Variants in TAF5L observed in about 807,000 individuals in gnomAD.
TAF5L encodes TAF5-like RNA polymerase II p300/CBP-associated factor-associated factor 65 kDa subunit 5L.
A neutral mutation model predicts 51.3 loss-of-function variants in TAF5L; 7 were observed. The observed-to-expected ratio is 0.14, with a 90% confidence interval of 0.08 to 0.26. The LOEUF (loss-of-function observed/expected upper bound fraction) is 0.26. Ranked by LOEUF, TAF5L falls within the 10% of genes least tolerant of loss-of-function variation. The probability of loss-of-function intolerance (pLI) is 1.00; values close to 1 mark genes in which losing one functional copy is unlikely to be tolerated. For missense variants in TAF5L, 575 were observed against 758.9 expected (o/e 0.76, Z 2.85); for synonymous variants, 291 against 308.1 (o/e 0.94, Z 0.58).
At chr1:229,613,329 C>CAAAAAAAAAAAAAAAAAAAAAAAAAA (rs567436350) in intron 2 of TAF5L, among the ~76,000 whole-genome samples, 1 of 84,596 alleles carries the variant, frequency 1.2e-5, no homozygotes, top group African/African-American at 4.5e-5. Context: ...GACTCTGTCT[C>CAAAAAAAAAAAAAAAAAAAAAAAAAA]AAAAAAAAAA....
intron 2 of TAF5L, among the ~76,000 whole-genome samples, chr1:229,613,635 A>T (rs1664870137): frequency 1.3e-5 from 2 of 152,334 alleles, no homozygotes; most frequent in African/African-American, 2.4e-5. Flanking sequence ...TAAAGAATAC[A>T]GGAGGATGTC....
In TAF5L at chr1:229,614,331, C is replaced by T. The variant is rs1427462630; in HGVS notation, c.142+10G>A. Reference sequence around the variant, plus strand: ...CAGGCTCACCCCACCAGACGAGCCCCCACCATTACCTGTTAGATTGGCCGC... The same window carrying T: ...CAGGCTCACCCCACCAGACGAGCCCTCACCATTACCTGTTAGATTGGCCGC... On this transcript the variant is annotated intron_variant, in intron 2 of 4. Transcript: ENST00000258281. The T allele has an allele frequency of 6.2e-7, 1 of 1,614,150 alleles. No homozygotes were observed. Among genetic ancestry groups the T allele is most frequent in the Non-Finnish European group, 8.5e-7 (1 of 1,180,060 alleles).
intron 4 of TAF5L, among the ~76,000 whole-genome samples, chr1:229,595,741 C>T (rs1664099296): frequency 6.6e-6 from 1 of 151,894 alleles, no homozygotes; most frequent in African/African-American, 2.4e-5. Flanking sequence ...TCTCGGCTCA[C>T]CACAACCTCC....
chr1:229,597,797 A>C (rs997791615), intron 4 of TAF5L, among the ~76,000 whole-genome samples: 7 of 152,214 alleles, frequency 4.6e-5, no homozygotes, highest in Non-Finnish European at 2.9e-5. Flanking sequence ...AAAGAGATCA[A>C]GTATCATCTC....
intron 1 of TAF5L, among the ~76,000 whole-genome samples, chr1:229,616,117 T>A (rs1664992837): frequency 6.6e-6 from 1 of 152,054 alleles, no homozygotes; most frequent in Admixed American, 6.6e-5. Flanking sequence ...TGGGTTCAAG[T>A]GATTCCCTGC....
chr1:229,602,191 A>G lies in TAF5L; in HGVS notation c.972+4T>C. On this transcript the variant is annotated splice_donor_region_variant and intron_variant, in intron 4 of 4. Transcript: ENST00000258281. This position sits in a 1 kb window ranked among gnomAD's most constrained non-coding sequence, Gnocchi z 4.6. ...TGCAGGGAAGAAAAAAATGGTATTC[A>G]TACCTCCTCCTCCAGAATATCACAA... The G allele has an allele frequency of 1.9e-6, 3 of 1,610,250 alleles. No homozygotes were observed. The highest frequency in any genetic ancestry group is 1.3e-5 in the African/African-American group (1 of 74,844).
rs1347715356 is a variant in TAF5L at position 229,602,904 on chromosome 1, T to C, written c.263A>G (p.His88Arg). Residue 88 changes from histidine to arginine, a missense_variant, in exon 4 of 5, where the codon CAT (histidine) becomes CGT (arginine). Physicochemically the swap from His to Arg is conservative, Grantham distance 29. Coordinates refer to ENST00000258281, the Ensembl canonical transcript of TAF5L. This position sits in a 1 kb window ranked among gnomAD's most constrained non-coding sequence, Gnocchi z 4.6. ...GAGGAGAGGCATCACTTCGTGGCTA[T>C]GCTGGGAATCAGAATCTATAATGAA... The C allele has an allele frequency of 3.1e-6, 5 of 1,596,628 alleles. No individual in the cohort carries two copies. Among genetic ancestry groups the C allele is most frequent in the South Asian group, 1.1e-5 (1 of 90,006 alleles).
intron 1 of TAF5L, among the ~76,000 whole-genome samples, chr1:229,622,051 AT>A (rs1665222998): frequency 6.6e-6 from 1 of 151,648 alleles, no homozygotes; most frequent in Non-Finnish European, 1.5e-5. Flanking sequence ...CTATCTATCT[AT>A]CTATCTATCT....
chr1:229,609,499 A>C (rs1463953734), intron 3 of TAF5L, among the ~76,000 whole-genome samples: 1 of 151,994 alleles, frequency 6.6e-6, no homozygotes. Flanking sequence ...TGGGGCTCTT[A>C]ATGTTTTTCT....
intron 1 of TAF5L, among the ~76,000 whole-genome samples, chr1:229,615,201 T>G (rs2102761441): frequency 6.6e-6 from 1 of 152,124 alleles, no homozygotes; most frequent in African/African-American, 2.4e-5. Flanking sequence ...CATTCTCCTG[T>G]CTCAGCCTCC....
At chr1:229,596,971 C>T (rs3820358) in intron 4 of TAF5L, among the ~76,000 whole-genome samples, 81,212 of 151,980 alleles carry the variant, frequency 0.53, 21,929 homozygotes, top group East Asian at 0.77. Flanking sequence ...ACACTGATGT[C>T]CATGAATATT....
chr1:229,617,118 A>G (rs1665032648), intron 1 of TAF5L, among the ~76,000 whole-genome samples: 1 of 152,044 alleles, frequency 6.6e-6, no homozygotes, highest in Admixed American at 6.6e-5. Flanking sequence ...AGGGATTCTG[A>G]TACTCTGAGA....
At chr1:229,616,934 G>A (rs559115103) in intron 1 of TAF5L, among the ~76,000 whole-genome samples, 1 of 152,198 alleles carries the variant, frequency 6.6e-6, no homozygotes, top group African/African-American at 2.4e-5. Flanking sequence ...TTAAAAAGAA[G>A]GAACACTATG....
intron 3 of TAF5L, among the ~76,000 whole-genome samples, chr1:229,609,478 G>A (rs1462693004): frequency 1.3e-5 from 2 of 152,012 alleles, no homozygotes; most frequent in African/African-American, 4.8e-5. Context: ...ATCCCTTTCC[G>A]ATTTATCTTC....
intron 4 of TAF5L, among the ~76,000 whole-genome samples, chr1:229,598,047 T>C (rs902649131): frequency 2.6e-5 from 4 of 152,186 alleles, no homozygotes; most frequent in African/African-American, 9.7e-5. Context: ...TGTGAGTGTA[T>C]TAGACTTGGA....
intron 3 of TAF5L, among the ~76,000 whole-genome samples, chr1:229,603,528 A>T (rs573482918): frequency 2.8e-4 from 42 of 152,344 alleles, no homozygotes; most frequent in African/African-American, 1.0e-3. Flanking sequence ...ATGTCTGGTT[A>T]TACAGGCTGG....
At chr1:229,621,734 A>C (rs1347943752) in intron 1 of TAF5L, among the ~76,000 whole-genome samples, 1 of 152,240 alleles carries the variant, frequency 6.6e-6, no homozygotes, top group African/African-American at 2.4e-5. Context: ...TCAAATGTCT[A>C]ACTATAATCT....
intron 1 of TAF5L, among the ~76,000 whole-genome samples, chr1:229,615,646 T>G (rs1183620926): frequency 6.6e-6 from 1 of 151,912 alleles, no homozygotes; most frequent in African/African-American, 2.4e-5. Context: ...CTGTTTCCTT[T>G]GACTATTGAG....
chr1:229,612,971 C>A (rs374704041), intron 2 of TAF5L, among the ~76,000 whole-genome samples: 3 of 145,582 alleles, frequency 2.1e-5, no homozygotes, highest in African/African-American at 5.0e-5. Context: ...TTATAATCAC[C>A]CTAAAGTATC....
Sources: allele counts gnomAD v4.1 joint callset (sites outside exome capture counted in the v4.1 genomes callset), GRCh38; gene constraint gnomAD v4.1.1; non-coding constraint Gnocchi (gnomAD v3.1); transcripts MANE v1.5; gene names NCBI Gene and HGNC (gene_info 2026-07-23, HGNC 2026-07-21).